IL2RB: variants seen among roughly 807,000 people sequenced by gnomAD.
The protein encoded by IL2RB is interleukin 2 receptor subunit beta.
IL2RB carries 17 observed loss-of-function variants against 44.2 expected under a neutral mutation model. The ratio of observed to expected loss-of-function variants is 0.38; its 90% CI spans 0.26 to 0.58. The LOEUF is 0.58. IL2RB is among the 20% of genes least tolerant of loss of function. The pLI, the probability that IL2RB is intolerant of heterozygous loss-of-function variation, is 0.63. For synonymous variants in IL2RB, 286 were observed against 297.9 expected, an observed-to-expected ratio of 0.96 and a Z score of 0.41; for missense variants, 624 against 685.5, an observed-to-expected ratio of 0.91 and a Z score of 1.00.
rs1351067152 is a variant in IL2RB at position 37,144,149 on chromosome 22, C to A, written c.24G>T (p.Trp8Cys). 6.4e-7 allele frequency: 1 copy of A among 1,551,874 alleles called. No homozygotes were observed. The highest frequency in any genetic ancestry group is 8.7e-7 in the Non-Finnish European group (1 of 1,147,122). Residue 8 changes from tryptophan (W) to cysteine (C), a missense_variant, in exon 2 of 10, where the codon TGG becomes TGT. Physicochemically the swap from Trp to Cys is radical, Grantham distance 215. Around this residue, in one of 3 missense-constraint regions of IL2RB, gnomAD observed 78 missense variants for 70.0 expected, o/e 1.11. Transcript: ENST00000216223. MAAPALSWRLPLLILLLP... is the reference protein window; with the variant it reads MAAPALSCRLPLLILLLP... Reference sequence around the variant, plus strand: ...GGAGGAGGATGAGGAGGGGCAGACGCCAGGACAGAGCAGGGGCCGCCATTA... The same window carrying A: ...GGAGGAGGATGAGGAGGGGCAGACGACAGGACAGAGCAGGGGCCGCCATTA...
chr22:37,153,917 T>G (rs1035450297), upstream of IL2RB, among the ~76,000 whole-genome samples: 28 of 152,180 alleles, frequency 1.8e-4, 1 homozygote, highest in African/African-American at 6.3e-4. Flanking sequence ...ATTTCATCCA[T>G]GAGACAGCAT....
intron 1 of IL2RB, among the ~76,000 whole-genome samples, chr22:37,148,217 T>A (rs1265883908): frequency 6.6e-6 from 1 of 151,810 alleles, no homozygotes; most frequent in Non-Finnish European, 1.5e-5. Flanking sequence ...GAGGGCAGAG[T>A]CCACGGGAGG....
At chr22:37,154,385 A>G (rs1238550853), upstream of IL2RB, among the ~76,000 whole-genome samples, 2 of 152,130 alleles carry the variant, frequency 1.3e-5, no homozygotes, top group Non-Finnish European at 2.9e-5. Flanking sequence ...TCCCCAGGCC[A>G]TGGCGTGCAC....
At chr22:37,164,290 G>A (rs1922989127) in intron 1 of IL2RB, among the ~76,000 whole-genome samples, 1 of 152,090 alleles carries the variant, frequency 6.6e-6, no homozygotes, top group South Asian at 2.1e-4. Context: ...GAAGAGACCT[G>A]GCCAGTGCAC....
intron 1 of IL2RB, among the ~76,000 whole-genome samples, chr22:37,174,205 C>T (rs1923377770): frequency 6.6e-6 from 1 of 152,198 alleles, no homozygotes; most frequent in African/African-American, 2.4e-5. Context: ...CCACCCTTGC[C>T]ACATCCATGA....
rs983942596 is a variant in IL2RB at position 37,167,255 on chromosome 22, C to G, written c.-34+7703G>C. The stretch of plus-strand genomic sequence containing the variant: ...TTTCCTCGGCCCTGGGTGACAGCAC[C>G]CCTGCCCAGACCAGCTCTGACTGCC... On this transcript the variant is annotated intron_variant, in intron 1 of 5. Coordinates refer to the IL2RB transcript ENST00000429622. Among the ~76,000 whole-genome samples, 5 of 152,082 alleles carry G rather than the reference C, an allele frequency of 3.3e-5. 1 individual carries two copies. Among genetic ancestry groups the G allele is most frequent in the South Asian group, 4.2e-4 (2 of 4,816 alleles).
Position 37,128,750 on chromosome 22 carries a change from C to T in IL2RB, c.1002G>A (p.Thr334=), listed in dbSNP as rs529360210. 27 of 1,614,102 alleles carry T rather than the reference C, an allele frequency of 1.7e-5. No homozygotes were observed. Among genetic ancestry groups the T allele is most frequent in the Non-Finnish European group, 1.9e-5 (23 of 1,179,982 alleles). ...PLEVLERDKV[T]QLLLQQDKVP... is the part of the protein sequence containing the mutation. ...CCTTGTCCTGCTGCAGGAGCAGCTG[C>T]GTCACCTTGTCCCTCTCCAGCACTT... The change falls in exon 10 of 10, where the codon ACG becomes ACA. Residue 334 remains threonine (T), a synonymous_variant. Coordinates refer to ENST00000216223, the MANE Select transcript of IL2RB (RefSeq NM_000878.5). This position sits in a 1 kb window ranked among gnomAD's most constrained non-coding sequence, Gnocchi z 4.5.
At chr22:37,136,415 C>T in intron 6 of IL2RB, 22 bp from the exon 7 acceptor site, 2 of 1,594,656 alleles carry the variant, frequency 1.3e-6, no homozygotes, top group Non-Finnish European at 1.7e-6. Flanking sequence ...ACAGGACTGT[C>T]AGCGCCCACC....
intron 1 of IL2RB, among the ~76,000 whole-genome samples, chr22:37,167,154 C>T (rs544731757): frequency 4.3e-4 from 65 of 152,248 alleles, no homozygotes; most frequent in African/African-American, 1.6e-3. Context: ...GAAACGGGAG[C>T]ACCTCCTTCT....
intron 1 of IL2RB, among the ~76,000 whole-genome samples, chr22:37,164,686 C>G (rs533420359): frequency 6.6e-6 from 1 of 152,220 alleles, no homozygotes; most frequent in East Asian, 1.9e-4. Context: ...ACCAAGGAGG[C>G]TCTGAACAGC....
rs541087503 is a variant in IL2RB at position 37,165,875 on chromosome 22, C to T, written c.-34+9083G>A. Among the ~76,000 whole-genome samples the T allele has an allele frequency of 3.3e-5, 5 of 152,206 alleles. No individual in the cohort carries two copies. The East Asian group carries it at 7.8e-4, about 24-fold the overall frequency. Reference sequence around the variant, plus strand: ...TCCTGAATCCAACCGTCCACAACTCCCCTCTACAGCATCTCCTCAAGAGGG... The same window carrying T: ...TCCTGAATCCAACCGTCCACAACTCTCCTCTACAGCATCTCCTCAAGAGGG... On this transcript the variant is annotated intron_variant, in intron 1 of 5. Transcript: ENST00000429622.
At chr22:37,151,084 T>C (rs749643110), upstream of IL2RB, among the ~76,000 whole-genome samples, 8 of 152,256 alleles carry the variant, frequency 5.3e-5, no homozygotes, top group Admixed American at 2.0e-4. Flanking sequence ...CTTCTGGGTA[T>C]ATACTCAGCA....
At chr22:37,153,950 C>T (rs1297101218), upstream of IL2RB, among the ~76,000 whole-genome samples, 1 of 152,190 alleles carries the variant, frequency 6.6e-6, no homozygotes, top group Non-Finnish European at 1.5e-5. Flanking sequence ...CACATACTGC[C>T]CAAGACTCTT....
chr22:37,158,261 A>G (rs1478589831), intron 1 of IL2RB, among the ~76,000 whole-genome samples: 2 of 152,150 alleles, frequency 1.3e-5, no homozygotes, highest in African/African-American at 4.8e-5. Flanking sequence ...CAAGATAGGA[A>G]GGGGAGGGCT....
chr22:37,134,827 G>A (rs1921602320), intron 8 of IL2RB, among the ~76,000 whole-genome samples: 1 of 152,174 alleles, frequency 6.6e-6, no homozygotes, highest in African/African-American at 2.4e-5. Context: ...CCTGGAGCTG[G>A]GGCGCATGCA....
chr22:37,141,405 A>G lies in IL2RB; in HGVS notation c.282+1029T>C, dbSNP rs1424201705. 1.2e-4 allele frequency among the ~76,000 whole-genome samples: 18 copies of G among 151,924 alleles called. No individual in the cohort carries two copies. The highest frequency in any genetic ancestry group is 1.5e-5 in the Non-Finnish European group (1 of 67,948). On this transcript the variant is annotated intron_variant, in intron 4 of 9. Transcript: ENST00000216223. The surrounding 1 kb of genome is among the most constrained non-coding windows in gnomAD (Gnocchi z 4.4). ...CGCAGGCTCAGAGCTGTCTGTTCCC[A>G]CTGCTTGGCCTCTCCCCTGCTTCTG...
In IL2RB at chr22:37,128,713, C is replaced by G. The variant is rs532394331; in HGVS notation, c.1039G>C (p.Ala347Pro). The change falls in exon 10 of 10, where the codon GCA becomes CCA. Residue 347 changes from alanine to proline, a missense_variant. Physicochemically the swap from Ala to Pro is conservative, Grantham distance 27. Around this residue, in one of 3 missense-constraint regions of IL2RB, gnomAD observed 291 missense variants for 275.5 expected, o/e 1.06. Transcript: ENST00000216223. The surrounding 1 kb of genome is among the most constrained non-coding windows in gnomAD (Gnocchi z 4.5). ...LLQQDKVPEP[A>P]SLSSNHSLTS... is the part of the protein sequence containing the mutation. ...AGCGAGTGGTTGCTGCTTAAGGATG[C>G]GGGCTCAGGCACCTTGTCCTGCTGC... The G allele has an allele frequency of 1.2e-6, 2 of 1,614,044 alleles. No individual in the cohort carries two copies. The highest frequency in any genetic ancestry group is 2.2e-5 in the South Asian group (2 of 91,092).
chr22:37,137,441 C>T, intron 6 of IL2RB, 146 bp downstream of exon 6: 2 of 786,228 alleles, frequency 2.5e-6, no homozygotes, highest in Non-Finnish European at 2.1e-6. Flanking sequence ...GGAGGCAGCC[C>T]CAGGCAGTGC....
chr22:37,161,186 C>T (rs1489685099), intron 1 of IL2RB, among the ~76,000 whole-genome samples: 2 of 152,170 alleles, frequency 1.3e-5, no homozygotes, highest in Non-Finnish European at 2.9e-5. Context: ...ATTTAAAATA[C>T]TCGCCATTAA....
Sources: allele counts gnomAD v4.1 joint callset (sites outside exome capture counted in the v4.1 genomes callset), GRCh38; gene constraint gnomAD v4.1.1; regional missense constraint gnomAD v4.1.1; non-coding constraint Gnocchi (gnomAD v3.1); transcripts MANE v1.5; gene names NCBI Gene and HGNC (gene_info 2026-07-23, HGNC 2026-07-21).